RPS9: variants seen among roughly 807,000 people sequenced by gnomAD.
RPS9 encodes small ribosomal subunit protein uS4.
A neutral mutation model predicts 16.9 loss-of-function variants in RPS9; 1 was observed. That is an observed-to-expected ratio of 0.06 (90% CI 0.02 to 0.28). RPS9 has a LOEUF of 0.28. RPS9 is among the 10% of genes least tolerant of loss of function. RPS9 has a pLI of 1.00. For synonymous variants in RPS9, 106 were observed against 110.9 expected (o/e 0.96, Z 0.28); for missense variants, 137 against 273.2 (o/e 0.50, Z 3.51).
chr19:54,201,407 T>A, intron 2 of RPS9, 80 bp from the exon 3 acceptor site: 1 of 1,608,028 alleles, frequency 6.2e-7, no homozygotes, highest in Non-Finnish European at 8.5e-7. Context: ...TTTAGGAAGG[T>A]TTTGTGATTC....
chr19:54,207,277 G>T, intron 4 of RPS9, 121 bp from the exon 5 acceptor site: 1 of 785,554 alleles, frequency 1.3e-6, no homozygotes, highest in Non-Finnish European at 2.0e-6. Context: ...CCTTCCTGCA[G>T]CGCCTTGGTG....
At chr19:54,204,696 G>A (rs970344684) in intron 3 of RPS9, among the ~76,000 whole-genome samples, 6 of 152,192 alleles carry the variant, frequency 3.9e-5, no homozygotes, top group Non-Finnish European at 7.3e-5. Flanking sequence ...TTATAGGCCA[G>A]GCATAAGGGA....
intron 3 of RPS9, chr19:54,202,476 A>G: frequency 4.1e-6 from 4 of 985,186 alleles, no homozygotes; most frequent in Non-Finnish European, 4.8e-6. Context: ...AACCTGTAAA[A>G]TGTCTCAGGG....
At chr19:54,205,963 G>A (rs1227472155) in intron 3 of RPS9, among the ~76,000 whole-genome samples, 1 of 152,186 alleles carries the variant, frequency 6.6e-6, no homozygotes, top group East Asian at 1.9e-4. Context: ...ATTACAGGCA[G>A]TGCGCCAACG....
chr19:54,205,334 G>A (rs2077202016), intron 3 of RPS9, among the ~76,000 whole-genome samples: 1 of 145,702 alleles, frequency 6.9e-6, no homozygotes, highest in Admixed American at 7.2e-5. Context: ...TGAGCCTGGG[G>A]TTGGAAGAAA....
rs564406329 is a variant in RPS9, at chr19:54,202,293, C to A, written c.220+684C>A. 2.0e-5 allele frequency: 7 copies of A among 343,230 alleles called. No individual in the cohort carries two copies. In the East Asian group the frequency reaches 1.2e-3, roughly 58 times the overall value. The allele number at this position is 343,230 out of a possible 1,614,324, so 21.3% of individuals were successfully genotyped here. ...CTCCGCCTCCAGAGTTCAAGCGATTCTCCTGTCTTAGCCTCCTAAGTAGCT... is the reference window on the plus strand; with the variant it reads ...CTCCGCCTCCAGAGTTCAAGCGATTATCCTGTCTTAGCCTCCTAAGTAGCT... On this transcript the variant is annotated intron_variant, in intron 3 of 4. Transcript: ENST00000302907.
At chr19:54,203,953 G>C (rs1286656416) in intron 3 of RPS9, among the ~76,000 whole-genome samples, 1 of 152,228 alleles carries the variant, frequency 6.6e-6, no homozygotes, top group African/African-American at 2.4e-5. Flanking sequence ...CATTGGCCCA[G>C]TGGAGCCTCA....
At chr19:54,204,612 CTG>C (rs1237801854) in intron 3 of RPS9, among the ~76,000 whole-genome samples, 2 of 152,078 alleles carry the variant, frequency 1.3e-5, no homozygotes, top group East Asian at 1.9e-4. Flanking sequence ...TGCGGTCTCA[CTG>C]TGTTGCCGAG....
rs2077019011 is a variant in RPS9, at chr19:54,200,906, G to A, written c.-26+18G>A. On this transcript the variant is annotated intron_variant, in intron 1 of 4. Coordinates refer to ENST00000302907, the MANE Select transcript of RPS9 (RefSeq NM_001013.4). ...TTGCTTAGGTGAGGTGCGGTGGTGT[G>A]CTTTTTCTCTAGGGTTTGGGTTGGA... 3.0e-6 allele frequency: 4 copies of A among 1,334,180 alleles called. No homozygotes were observed. Among genetic ancestry groups the A allele is most frequent in the Non-Finnish European group, 2.9e-6 (3 of 1,042,450 alleles). The allele number at this position is 1,334,180 out of a possible 1,614,324, so 82.6% of individuals were successfully genotyped here. A position where few individuals can be genotyped will look rare whatever the true frequency, so the allele number is the denominator to read the frequency against.
intron 3 of RPS9, chr19:54,203,480 A>G (rs2077131077): frequency 5.1e-6 from 1 of 196,622 alleles, no homozygotes; most frequent in Admixed American, 6.5e-5. Flanking sequence ...ATCAACAGAT[A>G]GAGGCCAGGC....
chr19:54,201,645 C>T (rs759349852), intron 3 of RPS9, 36 bp downstream of exon 3: 12 of 1,612,456 alleles, frequency 7.4e-6, no homozygotes, highest in Non-Finnish European at 1.0e-5. Context: ...GGATGGGGTG[C>T]AGGGCTTGTG....
In RPS9 at chr19:54,206,266, C is replaced by T. The variant is rs373043268; in HGVS notation, c.221-10C>T. The T allele has an allele frequency of 6.2e-7, 1 of 1,609,616 alleles. No homozygotes were observed. The highest frequency in any genetic ancestry group is 1.3e-5 in the African/African-American group (1 of 74,854). The stretch of plus-strand genomic sequence containing the variant: ...AAGGCGGAATCAGTGTTTCCTCCCA[C>T]TCTTCCCAGGCAACGCCCTGCTGCG... On this transcript the variant is annotated splice_polypyrimidine_tract_variant and intron_variant, in intron 3 of 4. Transcript: ENST00000302907.
In RPS9 at chr19:54,200,888, G is replaced by A. The variant is rs934482144; in HGVS notation, c.-26G>A. The A allele has an allele frequency of 1.0e-5, 9 of 879,046 alleles. No individual in the cohort carries two copies. Among genetic ancestry groups the A allele is most frequent in the Non-Finnish European group, 1.4e-5 (9 of 663,194 alleles). 54.5% of individuals were successfully genotyped at this position (879,046 alleles called of 1,614,324 possible). On this transcript the variant is annotated splice_region_variant and 5_prime_UTR_variant, in exon 1 of 5. Transcript: ENST00000302907. ...TCTCAGTGACCGGGTGGTTTGCTTA[G>A]GTGAGGTGCGGTGGTGTGCTTTTTC...
rs115634945 is a variant in RPS9 at position 54,203,073 on chromosome 19, A to C, written c.220+1464A>C. On this transcript the variant is annotated intron_variant, in intron 3 of 4. Coordinates refer to ENST00000302907, the MANE Select transcript of RPS9 (RefSeq NM_001013.4). ...TGCTGGAGATCCCTCCCCCATAGATACTGATGCTGGGTGGGAATTCATCCC... is the reference window on the plus strand; with the variant it reads ...TGCTGGAGATCCCTCCCCCATAGATCCTGATGCTGGGTGGGAATTCATCCC... 2,500 of 985,236 alleles carry C rather than the reference A, an allele frequency of 2.5e-3. 42 individuals carry two copies. The African/African-American group carries it at 0.041, about 16-fold the overall frequency. The allele number at this position is 985,236 out of a possible 1,614,324, so 61.0% of individuals were successfully genotyped here.
intron 3 of RPS9, among the ~76,000 whole-genome samples, chr19:54,206,039 C>G (rs1457533664): frequency 3.9e-5 from 6 of 152,194 alleles, no homozygotes; most frequent in Admixed American, 3.9e-4. Flanking sequence ...GCTGGTCTCT[C>G]AAACTCCTGA....
rs1568883034 is a variant in RPS9, at chr19:54,201,031, T to C, written c.-25-129T>C. 3 of 1,472,402 alleles carry C rather than the reference T, an allele frequency of 2.0e-6. No individual in the cohort carries two copies. The African/African-American group carries it at 4.2e-5, about 21-fold the overall frequency. 91.2% of individuals were successfully genotyped at this position (1,472,402 alleles called of 1,614,324 possible). On this transcript the variant is annotated intron_variant, in intron 1 of 4. Transcript: ENST00000302907. ...AGTGCAGCACGGTTGTGGGGGCAGA[T>C]ACTGACTATGAGAGCGTTGGAGGTT...
intron 3 of RPS9, among the ~76,000 whole-genome samples, chr19:54,205,354 G>GCT (rs34929912): frequency 0.31 from 46,099 of 150,928 alleles, 8,280 homozygotes; most frequent in East Asian, 0.43. Context: ...AGGTGTAGTA[G>GCT]GGCATCTGTT....
intron 3 of RPS9, among the ~76,000 whole-genome samples, chr19:54,203,794 CTG>C (rs1239284138): frequency 7.3e-6 from 1 of 136,170 alleles, no homozygotes; most frequent in African/African-American, 2.7e-5. Context: ...CCCAGCACAA[CTG>C]TGAAGAAATG....
intron 3 of RPS9, among the ~76,000 whole-genome samples, chr19:54,206,047 T>G (rs760196591): frequency 5.3e-5 from 8 of 152,192 alleles, no homozygotes; most frequent in Non-Finnish European, 1.0e-4. Flanking sequence ...CTCAAACTCC[T>G]GACCTCAAGT....
Sources: gnomAD v4.1 joint callset for allele counts (sites outside exome capture counted in the v4.1 genomes callset) on GRCh38, gnomAD v4.1.1 for gene constraint, MANE v1.5 for transcripts, NCBI Gene and HGNC (gene_info 2026-07-23, HGNC 2026-07-21) for gene names.